The following PDE10A variants were observed in gnomAD, a reference collection of about 807,000 sequenced individuals.
The protein encoded by PDE10A is phosphodiesterase 10A.
Under a neutral mutation model 97.7 loss-of-function variants are expected in PDE10A, and 39 were observed. The ratio of observed to expected loss-of-function variants is 0.40; its 90% confidence interval spans 0.31 to 0.52. The LOEUF is 0.52. Ranked by LOEUF, PDE10A falls within the 20% of genes least tolerant of loss-of-function variation. The pLI is 0.56. For missense variants in PDE10A, 731 were observed against 1,047.8 expected (o/e 0.70, Z 4.17); for synonymous variants, 371 against 376.8 (o/e 0.98, Z 0.18).
intron 1 of PDE10A, among the ~76,000 whole-genome samples, chr6:165,918,617 C>A (rs1782670135): frequency 6.6e-6 from 1 of 152,194 alleles, no homozygotes; most frequent in Non-Finnish European, 1.5e-5. Flanking sequence ...TTTGATATTG[C>A]CATTTTGTAT....
chr6:165,837,078 C>T (rs955202064), intron 1 of PDE10A, among the ~76,000 whole-genome samples: 3 of 149,498 alleles, frequency 2.0e-5, no homozygotes, highest in African/African-American at 4.9e-5. Context: ...AGGGATAGCA[C>T]TGGGAGATAT....
intron 1 of PDE10A, among the ~76,000 whole-genome samples, chr6:165,777,493 G>T (rs1284825812): frequency 8.7e-6 from 1 of 115,080 alleles, no homozygotes; most frequent in Non-Finnish European, 1.7e-5. Context: ...TCTCGTCTTT[G>T]CAGTCAGTAG....
At chr6:165,709,954 T>G (rs916821957) in intron 1 of PDE10A, among the ~76,000 whole-genome samples, 3 of 151,902 alleles carry the variant, frequency 2.0e-5, no homozygotes, top group African/African-American at 7.3e-5. Flanking sequence ...AACTTGCCCC[T>G]TCCAATCCCT....
chr6:165,795,362 C>G (rs938564852), intron 1 of PDE10A, among the ~76,000 whole-genome samples: 2 of 152,090 alleles, frequency 1.3e-5, no homozygotes, highest in Admixed American at 1.3e-4. Context: ...CATCCACCGT[C>G]GTGGTGCCCA....
At chr6:165,556,405 C>A (rs1401353710) in intron 1 of PDE10A, among the ~76,000 whole-genome samples, 5 of 152,178 alleles carry the variant, frequency 3.3e-5, no homozygotes. Flanking sequence ...AAGGCTTCTG[C>A]CTTGAAGACA....
In PDE10A at chr6:165,517,438, A is replaced by G. The variant is rs188169960; in HGVS notation, c.994+26002T>C. On this transcript the variant is annotated intron_variant, in intron 2 of 21. Transcript: ENST00000539869. ...GACCCAGTATTTCCCATGAAGAGAA[A>G]TCTCTCATTCTAAAGTATTATTTAA... Among the ~76,000 whole-genome samples the G allele has an allele frequency of 2.0e-3, 303 of 152,304 alleles. 2 individuals carry two copies. The highest frequency in any genetic ancestry group is 3.1e-3 in the Non-Finnish European group (208 of 68,014).
intron 1 of PDE10A, among the ~76,000 whole-genome samples, chr6:165,954,704 C>T (rs1221816605): frequency 2.0e-5 from 3 of 152,094 alleles, no homozygotes; most frequent in African/African-American, 7.2e-5. Flanking sequence ...CCAAGCAGCC[C>T]ACCAGGGATC....
intron 10 of PDE10A, 43 bp downstream of exon 10, chr6:165,428,615 C>G: frequency 1.2e-6 from 1 of 851,896 alleles, no homozygotes. Flanking sequence ...CACCATGGGC[C>G]TAAGGGTTAA....
intron 1 of PDE10A, among the ~76,000 whole-genome samples, chr6:165,683,522 C>G (rs1035728008): frequency 2.6e-5 from 4 of 152,200 alleles, no homozygotes; most frequent in African/African-American, 9.6e-5. Flanking sequence ...ATGGGTTCAT[C>G]TGGGATGTGT....
At chr6:165,702,081 G>A (rs915704006) in intron 1 of PDE10A, among the ~76,000 whole-genome samples, 13 of 152,110 alleles carry the variant, frequency 8.5e-5, no homozygotes, top group African/African-American at 3.1e-4. Context: ...ACTATAATTA[G>A]ATTTTCCCGT....
At chr6:165,372,736 T>C (rs1784346704) in intron 18 of PDE10A, among the ~76,000 whole-genome samples, 1 of 118,146 alleles carries the variant, frequency 8.5e-6, no homozygotes, top group Non-Finnish European at 1.7e-5. Context: ...TACTTTAAAG[T>C]TCATATGGAA....
At chr6:165,394,254 T>C (rs1785955622) in intron 15 of PDE10A, among the ~76,000 whole-genome samples, 1 of 152,048 alleles carries the variant, frequency 6.6e-6, no homozygotes, top group African/African-American at 2.4e-5. Context: ...TGTGTGATGT[T>C]CCCCTCCCTG....
intron 1 of PDE10A, among the ~76,000 whole-genome samples, chr6:165,713,140 T>C (rs779533125): frequency 6.6e-6 from 1 of 152,214 alleles, no homozygotes; most frequent in Non-Finnish European, 1.5e-5. Context: ...TTTCTAGACC[T>C]ACACCCTCAG....
chr6:165,429,551 G>A (rs1438409696), intron 9 of PDE10A, among the ~76,000 whole-genome samples: 1 of 152,074 alleles, frequency 6.6e-6, no homozygotes, highest in African/African-American at 2.4e-5. Flanking sequence ...TGCATATACA[G>A]TGACATGTGA....
chr6:165,962,496 T>G (rs951918959), intron 1 of PDE10A, among the ~76,000 whole-genome samples: 1 of 152,240 alleles, frequency 6.6e-6, no homozygotes, highest in African/African-American at 2.4e-5. Flanking sequence ...GAATGCACAT[T>G]CTGACAAAGT....
intron 1 of PDE10A, among the ~76,000 whole-genome samples, chr6:165,623,711 GC>G (rs1788255870): frequency 7.9e-5 from 12 of 151,996 alleles, no homozygotes; most frequent in African/African-American, 2.7e-4. Context: ...CCAATGGTGG[GC>G]TTTCCCTCCC....
At chr6:165,352,191 T>C (rs2128187159) in intron 18 of PDE10A, among the ~76,000 whole-genome samples, 1 of 152,336 alleles carries the variant, frequency 6.6e-6, no homozygotes, top group South Asian at 2.1e-4. Context: ...ACTTTAAGTA[T>C]TAATTTTTCC....
chr6:165,667,554 T>G (rs1466667647), upstream of PDE10A, among the ~76,000 whole-genome samples: 1 of 152,026 alleles, frequency 6.6e-6, no homozygotes, highest in Non-Finnish European at 1.5e-5. Context: ...AATTAGAATA[T>G]TTTTGATGAG....
At chr6:165,664,423 C>A (rs1055500858), upstream of PDE10A, among the ~76,000 whole-genome samples, 38 of 152,180 alleles carry the variant, frequency 2.5e-4, no homozygotes, top group Non-Finnish European at 1.5e-5. Flanking sequence ...AAAGGACATG[C>A]TGGGGCTCCC....
Sources: gnomAD v4.1 joint callset for allele counts (sites outside exome capture counted in the v4.1 genomes callset) on GRCh38, gnomAD v4.1.1 for gene constraint, MANE v1.5 for transcripts, NCBI Gene and HGNC (gene_info 2026-07-23, HGNC 2026-07-21) for gene names.